The following DDX54 variants were observed in gnomAD, a reference collection of about 807,000 sequenced individuals.
DDX54 encodes DEAD-box helicase 54, also known as ATP-dependent RNA helicase DDX54.
In DDX54, 67 loss-of-function variants were observed where a neutral mutation model predicts 105.5. The observed-to-expected ratio is 0.64, with a 90% CI of 0.52 to 0.78. DDX54 has a LOEUF of 0.78. Among genes scored for constraint, DDX54 ranks in the 30% least tolerant of loss-of-function variants. The pLI is 0.00. For synonymous variants in DDX54, 514 were observed against 509.9 expected (o/e 1.01, Z -0.11); for missense variants, 1,206 against 1,230.5 (o/e 0.98, Z 0.30).
intron 12 of DDX54, 85 bp downstream of exon 12, chr12:113,169,685 C>G (rs1952312784): frequency 4.0e-6 from 6 of 1,490,280 alleles, no homozygotes; most frequent in Non-Finnish European, 4.5e-6. Context: ...CTGCTGGGGT[C>G]AAACCCAGCC....
intron 5 of DDX54, chr12:113,177,394 T>C (rs1319210380): frequency 1.2e-5 from 4 of 341,626 alleles, no homozygotes; most frequent in Non-Finnish European, 2.1e-5. Context: ...CCACCCACAG[T>C]GCCCCCAGCA....
Position 113,161,878 on chromosome 12 carries a change from C to G in DDX54, c.2300+15G>C. The G allele has an allele frequency of 6.2e-7, 1 of 1,605,852 alleles. No homozygotes were observed. Among genetic ancestry groups the G allele is most frequent in the African/African-American group, 1.3e-5 (1 of 74,690 alleles). ...CCTCGGCCCCGCCCCTCCCCAGCCA[C>G]GCCCCTCAGGATACAGGTCTCGCTT... On this transcript the variant is annotated intron_variant, in intron 18 of 19. Transcript: ENST00000306014.
chr12:113,183,643 C>T (rs1952490855), intron 1 of DDX54: 1 of 152,308 alleles, frequency 6.6e-6, no homozygotes, highest in Non-Finnish European at 1.5e-5. Context: ...TGTGCATACA[C>T]ATGACATTCA....
At chr12:113,182,495 G>T (rs533579231) in intron 1 of DDX54, among the ~76,000 whole-genome samples, 4 of 152,078 alleles carry the variant, frequency 2.6e-5, no homozygotes, top group African/African-American at 9.6e-5. Flanking sequence ...ATGAAAACAA[G>T]GTGCCTGGGA....
In DDX54 at chr12:113,181,182, C is replaced by G. The variant is rs995622091; in HGVS notation, c.175-124G>C. On this transcript the variant is annotated intron_variant, in intron 1 of 19. Transcript: ENST00000306014. ...AGCCAATGATGCTTCCGCCAGATCACGTCACTTTTTTGCTAGTAAGTTCTC... is the reference window on the plus strand; with the variant it reads ...AGCCAATGATGCTTCCGCCAGATCAGGTCACTTTTTTGCTAGTAAGTTCTC... The G allele has an allele frequency of 1.6e-5, 20 of 1,237,616 alleles. No homozygotes were observed. The Admixed American group carries it at 6.7e-4, about 42-fold the overall frequency. 76.7% of individuals were successfully genotyped at this position (1,237,616 alleles called of 1,614,324 possible).
chr12:113,173,558 C>T (rs963414637), intron 10 of DDX54, among the ~76,000 whole-genome samples: 4 of 152,188 alleles, frequency 2.6e-5, no homozygotes, highest in Non-Finnish European at 4.4e-5. Flanking sequence ...CACAGCGACT[C>T]CCCAGGCTTT....
At chr12:113,160,657 G>C (rs1278709543) in intron 19 of DDX54, among the ~76,000 whole-genome samples, 1 of 152,108 alleles carries the variant, frequency 6.6e-6, no homozygotes, top group Admixed American at 6.5e-5. Flanking sequence ...TGTACCACTT[G>C]CCAACCCACA....
chr12:113,172,258 C>A, intron 11 of DDX54, 95 bp downstream of exon 11: 2 of 1,392,060 alleles, frequency 1.4e-6, no homozygotes, highest in Non-Finnish European at 2.0e-6. Flanking sequence ...CCACAGCCAC[C>A]CCATGTGCAG....
chr12:113,165,813 T>C lies in DDX54; in HGVS notation c.1634A>G (p.His545Arg). 6.2e-7 allele frequency: 1 copy of C among 1,604,150 alleles called. No individual in the cohort carries two copies. The highest frequency in any genetic ancestry group is 8.5e-7 in the Non-Finnish European group (1 of 1,173,370). ...KEMDLVGLGL[H>R]PLFSSRFEEE... ...GTAGAAGGACTCACTGAAGAGGGGG[T>C]GCAGGCCCAGCCCCACAAGGTCCAT... Residue 545 changes from histidine to arginine, a missense_variant, in exon 13 of 20, where the codon CAC becomes CGC. Coordinates refer to ENST00000306014, the MANE Select transcript of DDX54 (RefSeq NM_024072.4).
chr12:113,161,004 G>C (rs1952197170), intron 19 of DDX54, among the ~76,000 whole-genome samples: 1 of 151,574 alleles, frequency 6.6e-6, no homozygotes, highest in South Asian at 2.1e-4. Flanking sequence ...TCGGGGACAA[G>C]GCACCTGAGG....
intron 7 of DDX54, among the ~76,000 whole-genome samples, chr12:113,176,010 T>G (rs1378434931): frequency 2.6e-5 from 3 of 114,172 alleles, no homozygotes; most frequent in South Asian, 6.5e-4. Context: ...CCCTCCCCAC[T>G]TCCCCCACAA....
At position 113,162,998 on chromosome 12, in the gene DDX54, C is replaced by CTAGCTG. The variant is rs1952228673; in HGVS notation, c.2128_2129insCAGCTA (p.Gly710delinsAlaAlaSer). 2.3e-5 allele frequency: 37 copies of CTAGCTG among 1,609,482 alleles called. No homozygotes were observed. The East Asian group carries it at 8.2e-4, about 36-fold the overall frequency. ...ATCCCCCATCAAGTCCAGGACAGCG[C>CTAGCTG]CAGCTGCCTGCTGCTCAAAGGCTCC... On this transcript the variant is annotated protein_altering_variant, in exon 17 of 20. Coordinates refer to ENST00000306014, the MANE Select transcript of DDX54 (RefSeq NM_024072.4).
At chr12:113,171,295 A>G (rs1408471156) in intron 11 of DDX54, among the ~76,000 whole-genome samples, 2 of 152,134 alleles carry the variant, frequency 1.3e-5, no homozygotes, top group Admixed American at 6.5e-5. Flanking sequence ...TAGAGCTTCA[A>G]TTTTGCAAGA....
chr12:113,182,984 A>G (rs1408039048), intron 1 of DDX54, among the ~76,000 whole-genome samples: 1 of 151,784 alleles, frequency 6.6e-6, no homozygotes, highest in African/African-American at 2.4e-5. Context: ...CAGCCTCCCA[A>G]GTAGCTGGGA....
rs1159707441 is a variant in DDX54 at position 113,164,201 on chromosome 12, C to T, written c.1804G>A (p.Ala602Thr). The T allele has an allele frequency of 4.4e-6, 7 of 1,577,562 alleles. No homozygotes were observed. Among genetic ancestry groups the T allele is most frequent in the East Asian group, 4.6e-5 (2 of 43,074 alleles). Residue 602 changes from alanine to threonine, a missense_variant, in exon 15 of 20, where the codon GCC becomes ACC. Transcript: ENST00000306014. ...AKRQKDRKAIARFQQGQQGRQ... is the reference protein window; with the variant it reads ...AKRQKDRKAITRFQQGQQGRQ... ...CCCTGCTGTCCCTGCTGGAAGCGGGCGATGGCCTTGCGGTCCTTCTGCCGC... is the reference window on the plus strand; with the variant it reads ...CCCTGCTGTCCCTGCTGGAAGCGGGTGATGGCCTTGCGGTCCTTCTGCCGC...
chr12:113,159,216 T>C (rs1168898952), intron 19 of DDX54, 107 bp from the exon 20 acceptor site: 10 of 1,245,140 alleles, frequency 8.0e-6, no homozygotes, highest in Non-Finnish European at 9.9e-6. Context: ...TGTTCTGTGC[T>C]TATTGCTGTG....
At chr12:113,167,169 G>C (rs1253389199) in intron 12 of DDX54, among the ~76,000 whole-genome samples, 4 of 152,198 alleles carry the variant, frequency 2.6e-5, no homozygotes, top group Non-Finnish European at 4.4e-5. Flanking sequence ...TTGAGTGCAG[G>C]AGTTCAATAC....
Position 113,165,845 on chromosome 12 carries a change from G to A in DDX54, c.1602C>T (p.Ala534=). ...PAPSPESIKR[A]KEMDLVGLGL... is the part of the protein sequence containing the mutation. ...CCAGCCCCACAAGGTCCATCTCCTT[G>A]GCCCTCTTGATGGACTCAGGCGAGG... is the stretch of plus-strand genomic sequence containing the variant. The change falls in exon 13 of 20, where the codon GCC becomes GCT. Residue 534 remains alanine, a synonymous_variant. Transcript: ENST00000306014. 1 of 1,612,586 alleles carries A rather than the reference G, an allele frequency of 6.2e-7. No individual in the cohort carries two copies. The highest frequency in any genetic ancestry group is 8.5e-7 in the Non-Finnish European group (1 of 1,179,276).
At chr12:113,160,034 C>A (rs1171427915) in intron 19 of DDX54, among the ~76,000 whole-genome samples, 1 of 152,186 alleles carries the variant, frequency 6.6e-6, no homozygotes, top group Non-Finnish European at 1.5e-5. Flanking sequence ...CACAGGTCGC[C>A]CCCGTCTCCC....
Sources: gnomAD v4.1 joint callset for allele counts (sites outside exome capture counted in the v4.1 genomes callset) on GRCh38, gnomAD v4.1.1 for gene constraint, MANE v1.5 for transcripts, NCBI Gene and HGNC (gene_info 2026-07-23, HGNC 2026-07-21) for gene names.